TJP1: variants seen among roughly 807,000 people sequenced by gnomAD.
TJP1 encodes tight junction protein ZO-1.
In TJP1, 43 loss-of-function variants were observed where a neutral mutation model predicts 194.2. The ratio of observed to expected loss-of-function variants is 0.22; its 90% CI spans 0.17 to 0.29. The LOEUF (loss-of-function observed/expected upper bound fraction) is 0.29. Ranked by LOEUF, TJP1 falls within the 10% of genes least tolerant of loss-of-function variation. The pLI, the probability that TJP1 is intolerant of heterozygous loss-of-function variation, is 1.00. For synonymous variants in TJP1, 801 were observed against 779.0 expected (o/e 1.03, Z -0.47); for missense variants, 1,971 against 2,185.7 (o/e 0.90, Z 1.96).
At chr15:29,777,102 G>A (rs1240146582) in intron 2 of TJP1, among the ~76,000 whole-genome samples, 1 of 152,072 alleles carries the variant, frequency 6.6e-6, no homozygotes, top group Non-Finnish European at 1.5e-5. Context: ...AGTACTTTAG[G>A]CACACTTCCT....
intron 2 of TJP1, among the ~76,000 whole-genome samples, chr15:29,869,775 C>T (rs1010853831): frequency 4.1e-5 from 6 of 147,432 alleles, no homozygotes; most frequent in Non-Finnish European, 9.0e-5. Context: ...ATCCTTTCCC[C>T]TGTCTTTCTT....
chr15:29,931,625 T>A (rs1314960210), intron 2 of TJP1, among the ~76,000 whole-genome samples: 1 of 152,158 alleles, frequency 6.6e-6, no homozygotes, highest in Non-Finnish European at 1.5e-5. Context: ...AAGAGCCAAG[T>A]ACAACCAAGG....
chr15:29,839,101 C>T (rs764731145), intron 2 of TJP1, among the ~76,000 whole-genome samples: 21 of 149,712 alleles, frequency 1.4e-4, no homozygotes, highest in Non-Finnish European at 3.0e-4. Context: ...CGGGTTCACG[C>T]CATTCTCCTG....
chr15:29,884,318 G>A lies in TJP1; in HGVS notation c.306+71914C>T, dbSNP rs571616529. 4.3e-4 allele frequency among the ~76,000 whole-genome samples: 66 copies of A among 152,270 alleles called. 1 individual carries two copies. Among genetic ancestry groups the A allele is most frequent in the Middle Eastern group, 3.4e-3 (1 of 294 alleles). On this transcript the variant is annotated intron_variant, in intron 2 of 28. Transcript: ENST00000356107. Reference sequence around the variant, plus strand: ...CATCTGTATCAGGACCATCTTGGGGGTATATTGAATGTGCAGGCTGTCAGC... The same window carrying A: ...CATCTGTATCAGGACCATCTTGGGGATATATTGAATGTGCAGGCTGTCAGC...
chr15:29,761,849 T>A (rs1168162203), intron 6 of TJP1, 80 bp from the exon 7 acceptor site: 6 of 1,326,766 alleles, frequency 4.5e-6, no homozygotes, highest in Non-Finnish European at 6.0e-6. Context: ...AACAGAAATA[T>A]CCAAACCACT....
intron 1 of TJP1, among the ~76,000 whole-genome samples, chr15:29,806,301 G>A (rs1308635740): frequency 1.3e-5 from 2 of 152,060 alleles, no homozygotes; most frequent in Non-Finnish European, 2.9e-5. Context: ...CAGACAATGA[G>A]GATACATGAA....
At chr15:29,740,381 T>C (rs1261737323) in intron 10 of TJP1, among the ~76,000 whole-genome samples, 1 of 152,096 alleles carries the variant, frequency 6.6e-6, no homozygotes, top group Non-Finnish European at 1.5e-5. Flanking sequence ...ATCCTAGCAC[T>C]TTGGGAGGCT....
chr15:29,932,639 G>A (rs1414191631), intron 2 of TJP1, among the ~76,000 whole-genome samples: 1 of 152,100 alleles, frequency 6.6e-6, no homozygotes, highest in Non-Finnish European at 1.5e-5. Context: ...TTAAAATTAT[G>A]AGCGAGAAGC....
chr15:29,796,847 G>A (rs1279961694), intron 2 of TJP1, among the ~76,000 whole-genome samples: 2 of 152,038 alleles, frequency 1.3e-5, no homozygotes, highest in East Asian at 1.9e-4. Context: ...ACCAGACAAG[G>A]GAGTCCAGAA....
At chr15:29,756,556 A>G (rs1385187784) in intron 8 of TJP1, among the ~76,000 whole-genome samples, 2 of 152,180 alleles carry the variant, frequency 1.3e-5, no homozygotes, top group Non-Finnish European at 2.9e-5. Context: ...GTTCTAGACA[A>G]CAGTGAGGAT....
intron 2 of TJP1, among the ~76,000 whole-genome samples, chr15:29,913,990 T>C (rs2054103114): frequency 6.6e-6 from 1 of 152,112 alleles, no homozygotes; most frequent in African/African-American, 2.4e-5. Context: ...GTGAGTTCGC[T>C]CTCCGGAGGC....
Position 29,728,098 on chromosome 15 carries a change from C to A in TJP1, c.2018-79G>T. The A allele has an allele frequency of 4.3e-6, 5 of 1,162,518 alleles. No homozygotes were observed. In the South Asian group the frequency reaches 4.9e-5, roughly 12 times the overall value. The allele number at this position is 1,162,518 out of a possible 1,614,324, so 72.0% of individuals were successfully genotyped here. ...GGAGTTTCTCAACTACTGGCCACAA[C>A]TGATATGCCGGACTGGATAGTACTT... On this transcript the variant is annotated intron_variant, in intron 15 of 27. Transcript: ENST00000614355.
In TJP1 at chr15:29,742,890, T is replaced by A; in HGVS notation, c.1011-109A>T. 4.1e-6 allele frequency: 4 copies of A among 979,640 alleles called. No individual in the cohort carries two copies. In the Middle Eastern group the frequency reaches 9.3e-4, roughly 228 times the overall value. 60.7% of individuals were successfully genotyped at this position (979,640 alleles called of 1,614,324 possible). ...TGCAACTTCAAAAACAATGACAACC[T>A]GCTCTAACAGATACCAAAATATTGT... On this transcript the variant is annotated intron_variant, in intron 8 of 27. Coordinates refer to ENST00000614355, the MANE Select transcript of TJP1 (RefSeq NM_001330239.4).
intron 4 of TJP1, among the ~76,000 whole-genome samples, chr15:29,771,492 G>A (rs2046674020): frequency 1.3e-5 from 2 of 152,128 alleles, no homozygotes; most frequent in Admixed American, 6.5e-5. Context: ...GAAAAGAGGA[G>A]GAAACATTAA....
chr15:29,815,470 A>G (rs2049847985), intron 1 of TJP1, among the ~76,000 whole-genome samples: 2 of 152,274 alleles, frequency 1.3e-5, no homozygotes. Context: ...TTAACATATC[A>G]AAACTTTGCT....
At chr15:29,820,467 T>C (rs2050254231) in intron 1 of TJP1, 1 of 713,372 alleles carries the variant, frequency 1.4e-6, no homozygotes. Flanking sequence ...TAACGAGTGA[T>C]GCTTTTCAAT....
chr15:29,929,506 G>C (rs977233033), intron 2 of TJP1, among the ~76,000 whole-genome samples: 2 of 152,072 alleles, frequency 1.3e-5, no homozygotes, highest in Admixed American at 6.5e-5. Flanking sequence ...ATACCAGCCT[G>C]GCCAACACGG....
At chr15:29,726,287 A>C (rs1290979509) in intron 18 of TJP1, 92 bp downstream of exon 18, 14 of 1,068,540 alleles carry the variant, frequency 1.3e-5, no homozygotes, top group Non-Finnish European at 1.8e-5. Flanking sequence ...CAATATGTTG[A>C]TCTAATTAGA....
rs190813820 is a variant in TJP1, at chr15:29,802,650, A to T, written c.28-1948T>A. Among the ~76,000 whole-genome samples, 323 of 152,156 alleles carry T rather than the reference A, an allele frequency of 2.1e-3. 1 individual carries two copies. The highest frequency in any genetic ancestry group is 6.8e-3 in the Middle Eastern group (2 of 294). Reference sequence around the variant, plus strand: ...TCCATCAATGAGAAGCAACAATAGTATGAGTAAATCAGCTAAACATCAACA... The same window carrying T: ...TCCATCAATGAGAAGCAACAATAGTTTGAGTAAATCAGCTAAACATCAACA... On this transcript the variant is annotated intron_variant, in intron 1 of 27. Transcript: ENST00000614355.
Sources: allele counts gnomAD v4.1 joint callset (sites outside exome capture counted in the v4.1 genomes callset), GRCh38; gene constraint gnomAD v4.1.1; transcripts MANE v1.5; gene names NCBI Gene and HGNC (gene_info 2026-07-23, HGNC 2026-07-21).